The following CRACD variants were observed in gnomAD, a reference collection of about 807,000 sequenced individuals.
CRACD encodes capping protein-inhibiting regulator of actin dynamics.
CRACD carries 56 observed loss-of-function variants against 106.8 expected under a neutral mutation model. That is an observed-to-expected ratio of 0.52 (90% CI 0.42 to 0.66). The LOEUF (loss-of-function observed/expected upper bound fraction) is 0.66, where lower values mean the gene tolerates loss of function less well. Ranked by LOEUF, CRACD falls within the 30% of genes least tolerant of loss-of-function variation. CRACD has a pLI of 0.00. For synonymous variants in CRACD, 754 were observed against 670.8 expected (o/e 1.12, Z -1.92); for missense variants, 1,730 against 1,623.2 (o/e 1.07, Z -1.13).
intron 1 of CRACD, among the ~76,000 whole-genome samples, chr4:56,059,070 G>A (rs2109783668): frequency 6.6e-6 from 1 of 152,076 alleles, no homozygotes; most frequent in South Asian, 2.1e-4. Context: ...GACAAATAAA[G>A]CAAGACAGCA....
chr4:56,314,094 G>A lies in CRACD; in HGVS notation c.592G>A (p.Gly198Arg), dbSNP rs1745333558. 6.2e-7 allele frequency: 1 copy of A among 1,614,130 alleles called. No individual in the cohort carries two copies. The change falls in exon 8 of 11, where the codon GGA becomes AGA. Residue 198 changes from glycine to arginine, a missense_variant. Gly to Arg is a moderately radical substitution (Grantham distance 125). This residue lies in a region of CRACD where 1,620 missense variants were observed against 1,481.6 expected (regional missense o/e 1.09). Transcript: ENST00000682029. The surrounding 1 kb of genome is among the most constrained non-coding windows in gnomAD (Gnocchi z 4.4). ...LESRPCLDQN[G>R]HPGEDKPTWH... ...GAGTCGGCCCTGCCTGGACCAGAAC[G>A]GACACCCAGGCGAGGACAAGCCAAC...
At chr4:56,168,676 T>G (rs1736243727) in intron 1 of CRACD, among the ~76,000 whole-genome samples, 1 of 148,968 alleles carries the variant, frequency 6.7e-6, no homozygotes, top group African/African-American at 2.4e-5. Context: ...TATATATAAT[T>G]ATATATAACT....
intron 6 of CRACD, 54 bp downstream of exon 6, chr4:56,310,788 T>G (rs1577895353): frequency 9.9e-7 from 1 of 1,014,594 alleles, no homozygotes; most frequent in East Asian, 2.6e-5. Context: ...AACTTTCATC[T>G]TCCCCCCCCC....
chr4:56,223,136 T>C (rs1739136412), intron 2 of CRACD, among the ~76,000 whole-genome samples: 2 of 151,754 alleles, frequency 1.3e-5, no homozygotes, highest in African/African-American at 4.8e-5. Flanking sequence ...AGGCAAGAGA[T>C]AATGAGCACC....
chr4:56,163,012 G>T (rs1736011012), intron 1 of CRACD, among the ~76,000 whole-genome samples: 1 of 152,130 alleles, frequency 6.6e-6, no homozygotes, highest in African/African-American at 2.4e-5. Context: ...GTAAAATCTT[G>T]TTTGCAAAAA....
chr4:56,112,605 T>A (rs567270845), intron 1 of CRACD, among the ~76,000 whole-genome samples: 2 of 152,138 alleles, frequency 1.3e-5, no homozygotes, highest in African/African-American at 4.8e-5. Context: ...CGGCTCCCCC[T>A]GTCTGAGGTC....
At chr4:56,204,895 C>T (rs866569861) in intron 2 of CRACD, among the ~76,000 whole-genome samples, 1 of 152,136 alleles carries the variant, frequency 6.6e-6, no homozygotes, top group Non-Finnish European at 1.5e-5. Context: ...TACAGTGGCT[C>T]ATGCCTGTAA....
intron 8 of CRACD, chr4:56,321,075 T>G: frequency 5.7e-6 from 1 of 174,270 alleles, no homozygotes; most frequent in Admixed American, 6.1e-5. Flanking sequence ...ACATTTCTCC[T>G]ACCAATTTTG....
intron 2 of CRACD, among the ~76,000 whole-genome samples, chr4:56,212,743 C>T (rs1479325201): frequency 6.6e-6 from 1 of 152,194 alleles, no homozygotes; most frequent in Non-Finnish European, 1.5e-5. Flanking sequence ...CACAAAAATA[C>T]CTGCAGATTT....
intron 1 of CRACD, among the ~76,000 whole-genome samples, chr4:56,078,663 G>T (rs565484381): frequency 2.0e-5 from 3 of 152,100 alleles, no homozygotes; most frequent in African/African-American, 7.2e-5. Context: ...CAGTCCTTCC[G>T]CCTTGGTCTC....
chr4:56,280,817 T>C (rs1207609086), intron 3 of CRACD, among the ~76,000 whole-genome samples: 1 of 152,228 alleles, frequency 6.6e-6, no homozygotes, highest in Non-Finnish European at 1.5e-5. Context: ...AATGAAGTTA[T>C]ACTGAAGTGC....
intron 2 of CRACD, among the ~76,000 whole-genome samples, chr4:56,181,483 A>G (rs1736818166): frequency 6.6e-6 from 1 of 152,224 alleles, no homozygotes; most frequent in South Asian, 2.1e-4. Context: ...CCCTCCACCC[A>G]GCACACACAC....
chr4:56,101,678 G>A (rs760222252), intron 1 of CRACD, among the ~76,000 whole-genome samples: 22 of 149,988 alleles, frequency 1.5e-4, no homozygotes, highest in Non-Finnish European at 1.2e-4. Context: ...CAGGAGAATC[G>A]CTTGAACCCA....
At chr4:56,232,076 C>A (rs1428163298) in intron 2 of CRACD, among the ~76,000 whole-genome samples, 1 of 152,162 alleles carries the variant, frequency 6.6e-6, no homozygotes, top group Non-Finnish European at 1.5e-5. Flanking sequence ...ACAGTAGGAG[C>A]ATATGTACAG....
At chr4:56,158,973 C>T (rs987163559) in intron 1 of CRACD, among the ~76,000 whole-genome samples, 13 of 152,340 alleles carry the variant, frequency 8.5e-5, no homozygotes, top group African/African-American at 2.6e-4. Flanking sequence ...TCATCTCCAA[C>T]TTCAAATCAT....
intron 1 of CRACD, among the ~76,000 whole-genome samples, chr4:56,114,381 C>T (rs1357170122): frequency 1.3e-5 from 2 of 151,894 alleles, no homozygotes; most frequent in Admixed American, 6.6e-5. Flanking sequence ...TTAAAAAAAA[C>T]TTTCCTAGAA....
intron 1 of CRACD, among the ~76,000 whole-genome samples, chr4:56,079,540 C>A (rs115207878): frequency 0.012 from 1,848 of 151,392 alleles, 36 homozygotes; most frequent in African/African-American, 0.043. Flanking sequence ...CTGCCTCCTG[C>A]GTTCAAATCG....
rs202102457 is a variant in CRACD at position 56,307,675 on chromosome 4, C to T, written c.261C>T (p.Ile87=). ...TGGAAATTGTGACTCAGCAGGACAT[C>T]GTCCTCTCAGACGCAGAGAACAAGG... The part of the protein sequence containing the change: ...SPMEIVTQQD[I]VLSDAENKSS... Residue 87 remains isoleucine, a synonymous_variant, in exon 5 of 11, where the codon ATC becomes ATT. Transcript: ENST00000682029. 427 of 1,614,128 alleles carry T rather than the reference C, an allele frequency of 2.6e-4. 2 individuals carry two copies. The highest frequency in any genetic ancestry group is 4.3e-5 in the Non-Finnish European group (51 of 1,180,012).
chr4:56,329,542 T>A lies in CRACD; in HGVS notation c.*1738T>A. Among the ~76,000 whole-genome samples, 1 of 152,168 alleles carries A rather than the reference T, an allele frequency of 6.6e-6. No homozygotes were observed. Among genetic ancestry groups the A allele is most frequent in the Non-Finnish European group, 1.5e-5 (1 of 68,040 alleles). ...ATAGTTGTACTCTTGCAAGTTGGAT[T>A]TAATATCATATATACTGGACCTTCA... On this transcript the variant is annotated 3_prime_UTR_variant, in exon 11 of 11. Transcript: ENST00000682029.
Sources: gnomAD v4.1 joint callset for allele counts (sites outside exome capture counted in the v4.1 genomes callset) on GRCh38, gnomAD v4.1.1 for gene constraint, gnomAD v4.1.1 regional missense constraint, Gnocchi (gnomAD v3.1) non-coding constraint, MANE v1.5 for transcripts, NCBI Gene and HGNC (gene_info 2026-07-23, HGNC 2026-07-21) for gene names.